The following MYH13 variants were observed in gnomAD, a reference collection of about 807,000 sequenced individuals.
MYH13 encodes the protein myosin heavy chain 13.
MYH13 carries 177 observed loss-of-function variants against 232.1 expected under a neutral mutation model. The ratio of observed to expected loss-of-function variants is 0.76; its 90% CI spans 0.67 to 0.86. The LOEUF is 0.86. Among genes scored for constraint, MYH13 ranks in the 40% least tolerant of loss-of-function variants. The probability of loss-of-function intolerance (pLI) is 0.00; values close to 1 mark genes in which losing one functional copy is unlikely to be tolerated. For missense variants in MYH13, 2,246 were observed against 2,405.9 expected (o/e 0.93, Z 1.39); for synonymous variants, 884 against 923.5 (o/e 0.96, Z 0.78).
At chr17:10,332,634 A>G (rs1907449568) in intron 19 of MYH13, among the ~76,000 whole-genome samples, 1 of 152,068 alleles carries the variant, frequency 6.6e-6, no homozygotes, top group South Asian at 2.1e-4. Flanking sequence ...CAGAGGAGAG[A>G]GTTAGTCTAG....
chr17:10,347,645 A>T (rs2071675731), intron 12 of MYH13, among the ~76,000 whole-genome samples: 1 of 151,058 alleles, frequency 6.6e-6, no homozygotes. Flanking sequence ...TGACTTTGAG[A>T]AGGACCTGGG....
At chr17:10,358,970 C>A (rs1365898192) in intron 7 of MYH13, among the ~76,000 whole-genome samples, 1 of 152,212 alleles carries the variant, frequency 6.6e-6, no homozygotes, top group Non-Finnish European at 1.5e-5. Context: ...GGTGATGGAG[C>A]TGGTGCTAGA....
intron 27 of MYH13, 62 bp from the exon 28 acceptor site, chr17:10,316,087 A>G (rs1366869105): frequency 1.9e-6 from 3 of 1,572,624 alleles, no homozygotes; most frequent in Admixed American, 1.7e-5. Context: ...CCAGCATTGA[A>G]CTGAACAGTG....
At chr17:10,330,651 T>C (rs1907381068) in intron 20 of MYH13, 128 bp from the exon 21 acceptor site, 2 of 1,298,906 alleles carry the variant, frequency 1.5e-6, no homozygotes, top group Admixed American at 2.6e-5. Context: ...AGCAATTCTG[T>C]TTCCAGGACT....
chr17:10,348,724 T>A (rs1289971274), intron 12 of MYH13, among the ~76,000 whole-genome samples: 1 of 152,112 alleles, frequency 6.6e-6, no homozygotes, highest in Non-Finnish European at 1.5e-5. Flanking sequence ...CCACTTTTGG[T>A]GAGCCTGGCT....
intron 32 of MYH13, 119 bp from the exon 33 acceptor site, chr17:10,311,346 A>AG (rs1906502724): frequency 7.8e-7 from 1 of 1,280,884 alleles, no homozygotes; most frequent in African/African-American, 1.5e-5. Context: ...GAGAGAATAC[A>AG]GGGCAGCCGT....
Position 10,318,810 on chromosome 17 carries a change from C to T in MYH13, c.3718G>A (p.Glu1240Lys), listed in dbSNP as rs376739694. The T allele has an allele frequency of 6.8e-6, 11 of 1,613,916 alleles. No individual in the cohort carries two copies. The highest frequency in any genetic ancestry group is 2.7e-5 in the African/African-American group (2 of 74,894). Residue 1240 changes from glutamate to lysine, a missense_variant, in exon 27 of 41, where the codon GAG (glutamate) becomes AAG (lysine). By Grantham distance (56) the Glu-to-Lys change is moderately conservative. Coordinates refer to ENST00000252172, the MANE Select transcript of MYH13 (RefSeq NM_003802.3). ...MEIDDMASNI[E>K]ALSKSKSNIE... is the part of the protein sequence containing the mutation. ...GGTACCTTTGACTTGGAGAGAGCCT[C>T]GATGTTGCTGGCCATGTCGTCAATC...
At chr17:10,361,215 G>A (rs1337607101) in intron 5 of MYH13, among the ~76,000 whole-genome samples, 6 of 151,706 alleles carry the variant, frequency 4.0e-5, no homozygotes, top group African/African-American at 1.5e-4. Context: ...TTGTGAGACA[G>A]AAATGACAGA....
chr17:10,344,820 C>CAAA (rs10566615), intron 15 of MYH13, among the ~76,000 whole-genome samples: 3 of 53,454 alleles, frequency 5.6e-5, no homozygotes, highest in Non-Finnish European at 1.2e-4. Context: ...GACTCCGTCT[C>CAAA]AAAAAAAAAA....
At chr17:10,346,306 G>A (rs1216634652) in intron 13 of MYH13, among the ~76,000 whole-genome samples, 1 of 152,168 alleles carries the variant, frequency 6.6e-6, no homozygotes, top group Non-Finnish European at 1.5e-5. Context: ...GTCTCAGGGT[G>A]AGGCTGGAAA....
chr17:10,358,602 TA>T (rs202036020), intron 7 of MYH13, among the ~76,000 whole-genome samples: 5 of 150,676 alleles, frequency 3.3e-5, no homozygotes, highest in Admixed American at 6.6e-5. Flanking sequence ...TACAAAAAAT[TA>T]AAAAAAAACT....
At chr17:10,331,192 T>A (rs144644670) in intron 20 of MYH13, among the ~76,000 whole-genome samples, 1 of 152,134 alleles carries the variant, frequency 6.6e-6, no homozygotes, top group Non-Finnish European at 1.5e-5. Flanking sequence ...CACAGATGCG[T>A]TGGCTTCACC....
At chr17:10,310,015 T>C (rs935001987) in intron 33 of MYH13, among the ~76,000 whole-genome samples, 185 bp from the exon 34 acceptor site, 6 of 151,268 alleles carry the variant, frequency 4.0e-5, no homozygotes, top group African/African-American at 1.5e-4. Context: ...TGGGCTCCAG[T>C]GATCCTCTCT....
At chr17:10,354,829 C>G (rs1001691121) in intron 10 of MYH13, 46 bp from the exon 11 acceptor site, 1 of 1,544,818 alleles carries the variant, frequency 6.5e-7, no homozygotes, top group South Asian at 1.1e-5. Context: ...ATAACTTACT[C>G]TGGGTTGTTT....
chr17:10,333,799 T>C (rs1488931676), intron 18 of MYH13, among the ~76,000 whole-genome samples: 3 of 151,888 alleles, frequency 2.0e-5, no homozygotes, highest in African/African-American at 7.3e-5. Flanking sequence ...TCCCAGCTAC[T>C]TGGGAGGCTG....
intron 11 of MYH13, among the ~76,000 whole-genome samples, chr17:10,352,163 C>T (rs548022854): frequency 6.6e-6 from 1 of 152,248 alleles, no homozygotes; most frequent in East Asian, 1.9e-4. Context: ...TGCCTGGGGA[C>T]CCTTTTGGAG....
intron 19 of MYH13, 151 bp downstream of exon 19, chr17:10,332,923 G>A: frequency 1.5e-6 from 1 of 680,474 alleles, no homozygotes; most frequent in Non-Finnish European, 2.5e-6. Flanking sequence ...CTCACTGTGG[G>A]CATGGGATCA....
At chr17:10,316,189 A>T (rs979188264) in intron 27 of MYH13, among the ~76,000 whole-genome samples, 164 bp from the exon 28 acceptor site, 2 of 152,216 alleles carry the variant, frequency 1.3e-5, no homozygotes, top group Non-Finnish European at 2.9e-5. Context: ...GGCCAGGCGC[A>T]GTGGCTCACG....
intron 18 of MYH13, among the ~76,000 whole-genome samples, chr17:10,334,334 A>T (rs1907514889): frequency 6.6e-6 from 1 of 152,136 alleles, no homozygotes; most frequent in Admixed American, 6.6e-5. Flanking sequence ...GATGATTTTT[A>T]AGGCTTTGGT....
Sources: allele counts gnomAD v4.1 joint callset (sites outside exome capture counted in the v4.1 genomes callset), GRCh38; gene constraint gnomAD v4.1.1; transcripts MANE v1.5; gene names NCBI Gene and HGNC (gene_info 2026-07-23, HGNC 2026-07-21).